Variants in PAK1 observed in about 807,000 individuals in gnomAD.
The protein encoded by PAK1 is p21 (RAC1) activated kinase 1, also known as serine/threonine-protein kinase PAK 1.
In PAK1, 29 loss-of-function variants were observed where a neutral mutation model predicts 67.4. The ratio of observed to expected loss-of-function variants is 0.43; its 90% CI spans 0.32 to 0.59. The LOEUF (loss-of-function observed/expected upper bound fraction) is 0.59. Ranked by LOEUF, PAK1 falls within the 20% of genes least tolerant of loss-of-function variation. PAK1 has a pLI of 0.07. For synonymous variants in PAK1, 223 were observed against 237.4 expected, an observed-to-expected ratio of 0.94 and a Z score of 0.56; for missense variants, 337 against 670.7, an observed-to-expected ratio of 0.50 and a Z score of 5.50.
intron 2 of PAK1, among the ~76,000 whole-genome samples, chr11:77,386,826 T>C (rs150195441): frequency 7.9e-4 from 121 of 152,288 alleles, no homozygotes; most frequent in African/African-American, 2.8e-3. Flanking sequence ...CATGCTGGAG[T>C]ACAGTGGTGT....
intron 1 of PAK1, among the ~76,000 whole-genome samples, chr11:77,413,182 A>G (rs1264969624): frequency 6.6e-6 from 1 of 152,200 alleles, no homozygotes; most frequent in African/African-American, 2.4e-5. Context: ...AGGCTTTGAA[A>G]GGTTTGAAAG....
chr11:77,478,264 T>C (rs1053270760), upstream of PAK1, among the ~76,000 whole-genome samples: 1 of 152,188 alleles, frequency 6.6e-6, no homozygotes, highest in African/African-American at 2.4e-5. Flanking sequence ...AAGGACTTGT[T>C]GTATTTCACT....
chr11:77,510,242 C>T, the PAK1 span, among the ~76,000 whole-genome samples: 77 of 152,242 alleles, frequency 5.1e-4, no homozygotes, highest in South Asian at 3.5e-3. Context: ...TTAGCCATAC[C>T]CCCATTGCTA....
intron 1 of PAK1, among the ~76,000 whole-genome samples, chr11:77,429,086 AAAAAAAAACACAC>A (rs1955732991): frequency 8.7e-6 from 1 of 115,556 alleles, no homozygotes; most frequent in African/African-American, 5.0e-5. Context: ...AAAAAAAAAA[AAAAAAAAACACAC>A]ACACACACAT....
upstream of PAK1, chr11:77,474,488 A>G (rs1958024999): frequency 5.3e-5 from 8 of 151,948 alleles, no homozygotes. Context: ...CAATTTTGGG[A>G]CGATTTCTGG....
chr11:77,392,615 C>T, intron 1 of PAK1, 74 bp from the exon 2 acceptor site: 2 of 1,236,016 alleles, frequency 1.6e-6, no homozygotes, highest in Non-Finnish European at 2.2e-6. Flanking sequence ...TAAAAAATTG[C>T]AAAGAATCAA....
At chr11:77,405,263 G>A (rs2602461) in intron 1 of PAK1, among the ~76,000 whole-genome samples, 10,425 of 152,212 alleles carry the variant, frequency 0.068, 809 homozygotes, top group East Asian at 0.25. Flanking sequence ...AGACAGTGTG[G>A]AACTTTATAG....
chr11:77,464,998 G>C (rs1957528630), intron 1 of PAK1, among the ~76,000 whole-genome samples: 1 of 143,054 alleles, frequency 7.0e-6, no homozygotes, highest in African/African-American at 2.7e-5. Context: ...GAGTGTGTGT[G>C]TGTGTGTGTG....
intron 1 of PAK1, among the ~76,000 whole-genome samples, chr11:77,447,878 T>C (rs992029266): frequency 6.6e-6 from 1 of 152,212 alleles, no homozygotes; most frequent in Non-Finnish European, 1.5e-5. Context: ...CAGTTGCAAT[T>C]AAGGCATTAA....
intron 1 of PAK1, among the ~76,000 whole-genome samples, chr11:77,434,490 A>C (rs1019106884): frequency 1.3e-5 from 2 of 151,534 alleles, no homozygotes; most frequent in Non-Finnish European, 2.9e-5. Flanking sequence ...TGTCACCCCC[A>C]GGCTGGAGAG....
chr11:77,322,125 A>T lies in PAK1; in HGVS notation c.*1149T>A, dbSNP rs765516492. ...AATGGGGCTGACATGACAAGCCACA[A>T]TGCTGGCCAGGGGTCCTACCATAGT... On this transcript the variant is annotated 3_prime_UTR_variant, in exon 15 of 15. Coordinates refer to ENST00000356341, the MANE Select transcript of PAK1 (RefSeq NM_002576.5). The T allele has an allele frequency of 7.4e-5, 16 of 217,202 alleles. No homozygotes were observed. Among genetic ancestry groups the T allele is most frequent in the Middle Eastern group, 1.4e-3 (1 of 718 alleles). The allele number at this position is 217,202 out of a possible 1,614,324, so 13.5% of individuals were successfully genotyped here. A position where few individuals can be genotyped will look rare whatever the true frequency, so the allele number is the denominator to read the frequency against.
At chr11:77,503,040 G>A in the PAK1 span, among the ~76,000 whole-genome samples, 1 of 152,074 alleles carries the variant, frequency 6.6e-6, no homozygotes, top group East Asian at 1.9e-4. Flanking sequence ...ATGATCTTCG[G>A]GTTCCTGGGA....
intron 1 of PAK1, among the ~76,000 whole-genome samples, chr11:77,397,366 T>TTAAA (rs1951969641): frequency 1.3e-5 from 2 of 152,236 alleles, no homozygotes; most frequent in African/African-American, 4.8e-5. Flanking sequence ...ATTACTGGAA[T>TTAAA]TAAAGTCAGG....
At chr11:77,427,711 A>G (rs1955624644) in intron 1 of PAK1, among the ~76,000 whole-genome samples, 1 of 152,194 alleles carries the variant, frequency 6.6e-6, no homozygotes, top group African/African-American at 2.4e-5. Flanking sequence ...ACAGATATGT[A>G]AACAGCTGAT....
the PAK1 span, among the ~76,000 whole-genome samples, chr11:77,486,518 C>G: frequency 6.6e-6 from 1 of 152,172 alleles, no homozygotes; most frequent in African/African-American, 2.4e-5. Context: ...CTTCATATTA[C>G]TTAAAGAGCA....
At chr11:77,429,492 T>C (rs576821722) in intron 1 of PAK1, among the ~76,000 whole-genome samples, 7 of 152,280 alleles carry the variant, frequency 4.6e-5, no homozygotes, top group African/African-American at 1.2e-4. Flanking sequence ...TGAACATCAA[T>C]AGTCATGGGA....
chr11:77,417,840 T>C (rs150874312), intron 1 of PAK1, among the ~76,000 whole-genome samples: 4,774 of 151,854 alleles, frequency 0.031, 125 homozygotes, highest in African/African-American at 0.072. Context: ...GTTCAAGCAA[T>C]CCTCGTGCCT....
chr11:77,398,062 A>T (rs1233027466), intron 1 of PAK1, among the ~76,000 whole-genome samples: 1 of 152,240 alleles, frequency 6.6e-6, no homozygotes, highest in Non-Finnish European at 1.5e-5. Context: ...AAATAATCAT[A>T]TCATGGAGAA....
chr11:77,358,900 A>AT lies in PAK1; in HGVS notation c.594dup (p.Ser199IlefsTer9). The AT allele has an allele frequency of 6.2e-7, 1 of 1,613,592 alleles. No individual in the cohort carries two copies. Among genetic ancestry groups the AT allele is most frequent in the Middle Eastern group, 1.7e-4 (1 of 6,050 alleles). ...TGGCCAGGTCCCCAAAGACTCACAG[A>AT]TTTTGTGTGCTCTGGGCGTGGAGCA... On this transcript the variant is annotated frameshift_variant, in exon 6 of 15. Coordinates refer to ENST00000356341, the MANE Select transcript of PAK1 (RefSeq NM_002576.5). LOFTEE classifies it high-confidence loss of function.
Sources: gnomAD v4.1 joint callset for allele counts (sites outside exome capture counted in the v4.1 genomes callset) on GRCh38, gnomAD v4.1.1 for gene constraint, MANE v1.5 for transcripts, NCBI Gene and HGNC (gene_info 2026-07-23, HGNC 2026-07-21) for gene names.